Variants in PHACTR4 observed in about 807,000 individuals in gnomAD.
The protein encoded by PHACTR4 is phosphatase and actin regulator 4.
PHACTR4 carries 51 observed loss-of-function variants against 72.7 expected under a neutral mutation model. The observed-to-expected ratio is 0.70, with a 90% CI of 0.56 to 0.89. The LOEUF (loss-of-function observed/expected upper bound fraction) is 0.89, where lower values mean the gene tolerates loss of function less well. Among genes scored for constraint, PHACTR4 ranks in the 40% least tolerant of loss-of-function variants. PHACTR4 has a pLI of 0.00. For missense variants in PHACTR4, 731 were observed against 861.8 expected, an observed-to-expected ratio of 0.85 and a Z score of 1.90; for synonymous variants, 255 against 302.5, an observed-to-expected ratio of 0.84 and a Z score of 1.63.
intron 2 of PHACTR4, chr1:28,453,685 T>G: frequency 7.9e-7 from 1 of 1,259,562 alleles, no homozygotes; most frequent in East Asian, 2.4e-5. Flanking sequence ...GGACCCGTCC[T>G]GGTTCCTCTT....
intron 1 of PHACTR4, among the ~76,000 whole-genome samples, chr1:28,381,166 C>T (rs1240269907): frequency 6.6e-6 from 1 of 151,054 alleles, no homozygotes; most frequent in Admixed American, 6.7e-5. Context: ...ACCACCACGC[C>T]CGGCTAATTT....
At chr1:28,429,970 G>A (rs1163909943) in intron 2 of PHACTR4, among the ~76,000 whole-genome samples, 1 of 151,784 alleles carries the variant, frequency 6.6e-6, no homozygotes, top group Non-Finnish European at 1.5e-5. Context: ...ATTATCCCTT[G>A]ATGCTTGTAC....
intron 2 of PHACTR4, among the ~76,000 whole-genome samples, chr1:28,416,435 A>C (rs185773853): frequency 6.6e-6 from 1 of 152,294 alleles, no homozygotes. Context: ...TACCAATCTT[A>C]AGGAAAACAG....
chr1:28,446,803 C>A (rs1463611907), intron 2 of PHACTR4, among the ~76,000 whole-genome samples: 1 of 151,694 alleles, frequency 6.6e-6, no homozygotes, highest in Non-Finnish European at 1.5e-5. Flanking sequence ...GTGTGTGGCA[C>A]CTGCCCCCTT....
At chr1:28,445,602 A>G (rs865959250) in intron 2 of PHACTR4, among the ~76,000 whole-genome samples, 1 of 151,954 alleles carries the variant, frequency 6.6e-6, no homozygotes, top group Non-Finnish European at 1.5e-5. Flanking sequence ...TCTCTTTCCT[A>G]CATTCCTTTT....
At position 28,460,251 on chromosome 1, in the gene PHACTR4, A is replaced by G. The variant is rs1251237363; in HGVS notation, c.230A>G (p.Glu77Gly). Reference sequence around the variant, plus strand: ...ATATCTATGCGAAAGCCAAGAGAAGAGCTGGTTAAAAGAGGGGTTCTGTTG... The same window carrying G: ...ATATCTATGCGAAAGCCAAGAGAAGGGCTGGTTAAAAGAGGGGTTCTGTTG... The part of the protein sequence containing the change: ...RKISMRKPRE[E>G]LVKRGVLLED... The change falls in exon 4 of 14, where the codon GAG (glutamate) becomes GGG (glycine). Residue 77 changes from glutamate (E) to glycine (G), a missense_variant. Glu to Gly is a moderately conservative substitution (Grantham distance 98). This residue lies in a region of PHACTR4 where 621 missense variants were observed against 676.6 expected (regional missense o/e 0.92). Coordinates refer to ENST00000373839, the MANE Select transcript of PHACTR4 (RefSeq NM_001048183.3). 1 of 1,613,870 alleles carries G rather than the reference A, an allele frequency of 6.2e-7. No individual in the cohort carries two copies. The highest frequency in any genetic ancestry group is 8.5e-7 in the Non-Finnish European group (1 of 1,179,878).
intron 9 of PHACTR4, among the ~76,000 whole-genome samples, chr1:28,480,954 CT>C (rs1660243382): frequency 6.6e-6 from 1 of 152,164 alleles, no homozygotes; most frequent in Non-Finnish European, 1.5e-5. Flanking sequence ...TCCACAAGTG[CT>C]GGGATTACAG....
intron 2 of PHACTR4, among the ~76,000 whole-genome samples, chr1:28,450,924 C>CCT (rs1329481412): frequency 6.7e-6 from 1 of 149,340 alleles, no homozygotes; most frequent in Non-Finnish European, 1.5e-5. Flanking sequence ...GATTCTCATG[C>CCT]CTCAGCCTCC....
Position 28,490,946 on chromosome 1 carries a change from T to C in PHACTR4, c.1817-5T>C. ...ATATTCCTTCCTTCTGATTGTCAACTGTAGCTAAAAATGAAGCTGATCGTC... is the reference window on the plus strand; with the variant it reads ...ATATTCCTTCCTTCTGATTGTCAACCGTAGCTAAAAATGAAGCTGATCGTC... On this transcript the variant is annotated splice_region_variant and splice_polypyrimidine_tract_variant and intron_variant, in intron 10 of 13. Coordinates refer to ENST00000373839, the MANE Select transcript of PHACTR4 (RefSeq NM_001048183.3). 1 of 1,613,198 alleles carries C rather than the reference T, an allele frequency of 6.2e-7. No homozygotes were observed. The highest frequency in any genetic ancestry group is 8.5e-7 in the Non-Finnish European group (1 of 1,179,318).
rs576695412 is a variant in PHACTR4, at chr1:28,483,718, G to C, written c.1760+3114G>C. 3.4e-5 allele frequency among the ~76,000 whole-genome samples: 5 copies of C among 145,422 alleles called. No homozygotes were observed. In the South Asian group the frequency reaches 1.1e-3, roughly 31 times the overall value. On this transcript the variant is annotated intron_variant, in intron 9 of 13. Coordinates refer to ENST00000373839, the MANE Select transcript of PHACTR4 (RefSeq NM_001048183.3). ...GGAGGCTGAGGCAGGAGAATGGCAT[G>C]AACCTGGGAGGTGGAGCTTGCAGTG...
At chr1:28,458,142 GT>G (rs1658541438) in intron 2 of PHACTR4, among the ~76,000 whole-genome samples, 1 of 146,544 alleles carries the variant, frequency 6.8e-6, no homozygotes, top group Non-Finnish European at 1.5e-5. Context: ...GTGTGTGTGT[GT>G]GTGTGTGTGT....
chr1:28,408,491 G>A (rs561080132), intron 2 of PHACTR4, among the ~76,000 whole-genome samples: 11 of 152,100 alleles, frequency 7.2e-5, no homozygotes, highest in East Asian at 3.9e-4. Context: ...CCTGGAAGGC[G>A]GAGGTTGCAG....
intron 9 of PHACTR4, among the ~76,000 whole-genome samples, chr1:28,487,586 G>A (rs1347087989): frequency 1.3e-5 from 2 of 149,576 alleles, no homozygotes; most frequent in Non-Finnish European, 3.0e-5. Flanking sequence ...GGGACTGGAA[G>A]TTCCTTATGC....
intron 2 of PHACTR4, among the ~76,000 whole-genome samples, chr1:28,416,180 CA>C (rs1655093597): frequency 6.6e-6 from 1 of 152,170 alleles, no homozygotes; most frequent in Admixed American, 6.5e-5. Flanking sequence ...TAAATTCCTC[CA>C]GTATTACATG....
chr1:28,462,336 T>TC (rs1658873456), intron 4 of PHACTR4, among the ~76,000 whole-genome samples: 1 of 151,944 alleles, frequency 6.6e-6, no homozygotes, highest in South Asian at 2.1e-4. Context: ...ATACAGCTGT[T>TC]CCACTTTCCA....
chr1:28,451,814 T>C (rs1352846882), intron 2 of PHACTR4, among the ~76,000 whole-genome samples: 1 of 151,850 alleles, frequency 6.6e-6, no homozygotes, highest in African/African-American at 2.4e-5. Context: ...CTAATTTTTT[T>C]TTTTTGTAGA....
At chr1:28,405,116 A>G (rs868506557) in intron 1 of PHACTR4, among the ~76,000 whole-genome samples, 3 of 152,182 alleles carry the variant, frequency 2.0e-5, no homozygotes, top group East Asian at 1.9e-4. Flanking sequence ...TCATGTGCCT[A>G]TTGACTGTAT....
At chr1:28,414,769 A>T (rs1655003279) in intron 2 of PHACTR4, among the ~76,000 whole-genome samples, 1 of 152,142 alleles carries the variant, frequency 6.6e-6, no homozygotes, top group Non-Finnish European at 1.5e-5. Flanking sequence ...TGGAAAACAG[A>T]TTCCAAAATT....
rs987556309 is a variant in PHACTR4, at chr1:28,473,554, C to T, written c.824C>T (p.Ala275Val). 9 of 1,590,958 alleles carry T rather than the reference C, an allele frequency of 5.7e-6. No individual in the cohort carries two copies. Among genetic ancestry groups the T allele is most frequent in the Non-Finnish European group, 7.7e-6 (9 of 1,162,794 alleles). The change falls in exon 7 of 14, where the codon GCT (alanine) becomes GTT (valine). Residue 275 changes from alanine (A) to valine (V), a missense_variant and splice_region_variant. By Grantham distance (64) the Ala-to-Val change is moderately conservative (BLOSUM62 0). Transcript: ENST00000373839. ...PAHRNSNPVI[A>V]ELSQAINSGT... ...TGATGTGTTGCTCTCTCTTTTCCAG[C>T]TGAACTGTCCCAAGCAATAAACAGT...
Sources: gnomAD v4.1 joint callset for allele counts (sites outside exome capture counted in the v4.1 genomes callset) on GRCh38, gnomAD v4.1.1 for gene constraint, gnomAD v4.1.1 regional missense constraint, MANE v1.5 for transcripts, NCBI Gene and HGNC (gene_info 2026-07-23, HGNC 2026-07-21) for gene names.